NCAPH: variants seen among roughly 807,000 people sequenced by gnomAD.
NCAPH encodes the protein non-SMC condensin I complex subunit H.
In NCAPH, 38 loss-of-function variants were observed where a neutral mutation model predicts 85.5. The ratio of observed to expected loss-of-function variants is 0.44; its 90% CI spans 0.34 to 0.58. The LOEUF (loss-of-function observed/expected upper bound fraction) is 0.58, where lower values mean the gene tolerates loss of function less well. NCAPH is among the 20% of genes least tolerant of loss of function. The pLI, the probability that NCAPH is intolerant of heterozygous loss-of-function variation, is 0.01. For missense variants in NCAPH, 789 were observed against 916.6 expected, an observed-to-expected ratio of 0.86 and a Z score of 1.80; for synonymous variants, 301 against 335.1, an observed-to-expected ratio of 0.90 and a Z score of 1.11.
chr2:96,373,176 A>G, intron 17 of NCAPH, 116 bp from the exon 18 acceptor site: 1 of 809,160 alleles, frequency 1.2e-6, no homozygotes, highest in Non-Finnish European at 2.0e-6. Context: ...AGTTTTTCTT[A>G]TAATCATGGG....
At chr2:96,339,226 T>C (rs1386690065) in intron 1 of NCAPH, among the ~76,000 whole-genome samples, 1 of 152,218 alleles carries the variant, frequency 6.6e-6, no homozygotes, top group Non-Finnish European at 1.5e-5. Context: ...TTGTTTGTTT[T>C]GTTTTTTTGT....
chr2:96,364,656 A>C, intron 13 of NCAPH, 65 bp downstream of exon 13: 2 of 1,172,024 alleles, frequency 1.7e-6, no homozygotes, highest in Non-Finnish European at 2.5e-6. Context: ...TCTGCTTCTC[A>C]TGTCCCCATT....
rs956921570 is a variant in NCAPH, at chr2:96,373,599, G to T, written c.*248G>T. On this transcript the variant is annotated 3_prime_UTR_variant, in exon 18 of 18. Transcript: ENST00000240423. ...CCATCTAGGAGAGGGGAGGGCAGAG[G>T]GGGTGAGGGTACTATTCTGGATTGA... The T allele has an allele frequency of 7.5e-6, 3 of 401,846 alleles. No individual in the cohort carries two copies. Among genetic ancestry groups the T allele is most frequent in the Non-Finnish European group, 1.3e-5 (3 of 223,104 alleles). 24.9% of individuals were successfully genotyped at this position (401,846 alleles called of 1,614,324 possible). A position where few individuals can be genotyped will look rare whatever the true frequency, so the allele number is the denominator to read the frequency against.
At chr2:96,366,397 A>T (rs930683569) in intron 14 of NCAPH, among the ~76,000 whole-genome samples, 8 of 152,194 alleles carry the variant, frequency 5.3e-5, no homozygotes, top group African/African-American at 1.7e-4. Context: ...TCTTGGCCAA[A>T]TTCAGTTTGT....
At position 96,364,484 on chromosome 2, in the gene NCAPH, C is replaced by T. The variant is rs749376512; in HGVS notation, c.1591C>T (p.Leu531Phe). ...CTGCATTTATTCTTTCCTTTAGTTA[C>T]TTAAGATGGCCCAGGGCCATAGGGT... ...QLHLKPGTRL[L>F]KMAQGHRVET... Residue 531 changes from leucine (L) to phenylalanine (F), a missense_variant, in exon 13 of 18, where the codon CTT (leucine) becomes TTT (phenylalanine). Leu to Phe is a conservative substitution (Grantham distance 22). Transcript: ENST00000240423. 4 of 1,592,732 alleles carry T rather than the reference C, an allele frequency of 2.5e-6. No homozygotes were observed. Among genetic ancestry groups the T allele is most frequent in the Admixed American group, 3.4e-5 (2 of 59,058 alleles).
At position 96,351,993 on chromosome 2, in the gene NCAPH, G is replaced by C. The variant is rs1349408068; in HGVS notation, c.883G>C (p.Gly295Arg). 4.3e-6 allele frequency: 7 copies of C among 1,612,456 alleles called. No individual in the cohort carries two copies. The African/African-American group carries it at 9.4e-5, about 22-fold the overall frequency. ...TGEPLELPEL[G>R]CVEMTDLKAP... The stretch of plus-strand genomic sequence containing the variant: ...AGAACCTCTCGAGTTGCCAGAGTTA[G>C]GTTGTGTAGAAATGACAGATTTAAA... The change falls in exon 7 of 18, where the codon GGT becomes CGT. Residue 295 changes from glycine (G) to arginine (R), a missense_variant. Gly to Arg is a moderately radical substitution (Grantham distance 125, BLOSUM62 -2). Coordinates refer to ENST00000240423, the MANE Select transcript of NCAPH (RefSeq NM_015341.5).
At chr2:96,359,805 A>G (rs2064579351) in intron 10 of NCAPH, among the ~76,000 whole-genome samples, 1 of 152,126 alleles carries the variant, frequency 6.6e-6, no homozygotes, top group Non-Finnish European at 1.5e-5. Context: ...TAAATTTTCC[A>G]TAGTGATGGG....
In NCAPH at chr2:96,343,003, A is replaced by C. The variant is rs1465477546; in HGVS notation, c.456+155A>C. On this transcript the variant is annotated intron_variant, in intron 4 of 17. Transcript: ENST00000240423. The stretch of plus-strand genomic sequence containing the variant: ...CTTTCTTTTCCTAAACTGATGAAAT[A>C]CAGAGAGAATATATATTCTGTTTAT... Among the ~76,000 whole-genome samples the C allele has an allele frequency of 3.3e-5, 5 of 152,280 alleles. No individual in the cohort carries two copies. The South Asian group carries it at 8.3e-4, about 25-fold the overall frequency.
intron 9 of NCAPH, among the ~76,000 whole-genome samples, chr2:96,358,743 C>A (rs2064560224): frequency 6.6e-6 from 1 of 152,174 alleles, no homozygotes; most frequent in Non-Finnish European, 1.5e-5. Flanking sequence ...GCTGGGATTA[C>A]AAGCGTGAGC....
chr2:96,372,830 CAAG>C (rs1037878106), intron 17 of NCAPH, among the ~76,000 whole-genome samples: 2 of 152,100 alleles, frequency 1.3e-5, no homozygotes, highest in African/African-American at 2.4e-5. Flanking sequence ...TAGGAAAAAA[CAAG>C]GTATATTTGT....
intron 9 of NCAPH, among the ~76,000 whole-genome samples, chr2:96,357,912 C>G (rs1258123065): frequency 6.6e-6 from 1 of 152,172 alleles, no homozygotes; most frequent in South Asian, 2.1e-4. Flanking sequence ...GAGGGCAGTA[C>G]AGCAGCACCA....
intron 17 of NCAPH, among the ~76,000 whole-genome samples, chr2:96,370,130 A>G (rs1171625579): frequency 6.6e-6 from 1 of 152,234 alleles, no homozygotes; most frequent in East Asian, 1.9e-4. Flanking sequence ...GAGGGCAGCC[A>G]GCAGCAAGCC....
At position 96,359,027 on chromosome 2, in the gene NCAPH, C is replaced by T. The variant is rs1232097987; in HGVS notation, c.1209-18C>T. On this transcript the variant is annotated intron_variant, in intron 9 of 17. Coordinates refer to ENST00000240423, the MANE Select transcript of NCAPH (RefSeq NM_015341.5). ...TTATAATATATGTATTGTACATGTA[C>T]AAATATGTGTGTTACAGGGAAGAAA... is the stretch of plus-strand genomic sequence containing the variant. The T allele has an allele frequency of 1.2e-6, 2 of 1,612,640 alleles. No individual in the cohort carries two copies. Among genetic ancestry groups the T allele is most frequent in the East Asian group, 4.5e-5 (2 of 44,874 alleles).
At position 96,367,451 on chromosome 2, in the gene NCAPH, C is replaced by T. The variant is rs535775878; in HGVS notation, c.1998+78C>T. On this transcript the variant is annotated intron_variant, in intron 15 of 17. Coordinates refer to ENST00000240423, the MANE Select transcript of NCAPH (RefSeq NM_015341.5). The stretch of plus-strand genomic sequence containing the variant: ...TTGATGTCTACAGCTGAAGACACCT[C>T]GATTTGGGCAATGCCTCCAATACAG... 2.4e-5 allele frequency: 25 copies of T among 1,027,444 alleles called. No homozygotes were observed. In the South Asian group the frequency reaches 3.2e-4, roughly 13 times the overall value. The allele number at this position is 1,027,444 out of a possible 1,614,324, so 63.6% of individuals were successfully genotyped here.
rs769563241 is a variant in NCAPH, at chr2:96,341,822, G to A, written c.200G>A (p.Arg67Gln). ...QNDDEKERLQ[R>Q]RRSRVFDLQF... ...GACGATGAGAAGGAGCGGCTGCAGC[G>A]GAGGCGCTCGAGGGTCTTTGATCTG... The change falls in exon 2 of 18, where the codon CGG (arginine) becomes CAG (glutamine). Residue 67 changes from arginine (R) to glutamine (Q), a missense_variant. Physicochemically the swap from Arg to Gln is conservative, Grantham distance 43 (BLOSUM62 1). Coordinates refer to ENST00000240423, the MANE Select transcript of NCAPH (RefSeq NM_015341.5). 7.4e-6 allele frequency: 12 copies of A among 1,613,662 alleles called. No homozygotes were observed. The highest frequency in any genetic ancestry group is 6.7e-5 in the East Asian group (3 of 44,884).
In NCAPH at chr2:96,365,982, A is replaced by AT; in HGVS notation, c.1806dup (p.Gly603TrpfsTer2). The AT allele has an allele frequency of 6.2e-7, 1 of 1,614,208 alleles. No homozygotes were observed. The highest frequency in any genetic ancestry group is 8.5e-7 in the Non-Finnish European group (1 of 1,180,034). ...CATCCACCTAAGACAGCACAACAGA[A>AT]TGGTGACACTCCAGAAGCCCAAGGA... On this transcript the variant is annotated frameshift_variant, in exon 14 of 18. Coordinates refer to ENST00000240423, the MANE Select transcript of NCAPH (RefSeq NM_015341.5). LOFTEE classifies it high-confidence loss of function.
At position 96,369,430 on chromosome 2, in the gene NCAPH, C is replaced by T; in HGVS notation, c.2096C>T (p.Pro699Leu). ...GLTKDLQRSL[P>L]PVMAQNLSIP... Reference sequence around the variant, plus strand: ...ACTTGCCCCTTTCTTTCCAGCCTGCCCCCTGTCATGGCTCAGAACCTCTCC... The same window carrying T: ...ACTTGCCCCTTTCTTTCCAGCCTGCTCCCTGTCATGGCTCAGAACCTCTCC... Residue 699 changes from proline (P) to leucine (L), a missense_variant, in exon 17 of 18, where the codon CCC (proline) becomes CTC (leucine). Physicochemically the swap from Pro to Leu is moderately conservative, Grantham distance 98. Coordinates refer to ENST00000240423, the MANE Select transcript of NCAPH (RefSeq NM_015341.5). 1 of 1,614,034 alleles carries T rather than the reference C, an allele frequency of 6.2e-7. No individual in the cohort carries two copies. The highest frequency in any genetic ancestry group is 1.1e-5 in the South Asian group (1 of 91,076).
rs1186423796 is a variant in NCAPH, at chr2:96,373,339, G to A, written c.2214G>A (p.Arg738=). Residue 738 remains arginine, a synonymous_variant, in exon 18 of 18, where the codon AGG becomes AGA. Coordinates refer to ENST00000240423, the MANE Select transcript of NCAPH (RefSeq NM_015341.5). ...AGGACCTCTCTGATGTTCTTGTGAG[G>A]CAAGGAGATTGAGTTCACTATGGAG... The part of the protein sequence containing the change: ...GTEDLSDVLV[R]QGD The A allele has an allele frequency of 1.2e-6, 2 of 1,613,828 alleles. No individual in the cohort carries two copies. The highest frequency in any genetic ancestry group is 2.2e-5 in the South Asian group (2 of 91,048).
chr2:96,351,126 A>G (rs1302280647), intron 6 of NCAPH, among the ~76,000 whole-genome samples: 1 of 152,222 alleles, frequency 6.6e-6, no homozygotes, highest in Non-Finnish European at 1.5e-5. Context: ...ACTTTAGAAG[A>G]TATTTCTGTT....
Sources: allele counts gnomAD v4.1 joint callset (sites outside exome capture counted in the v4.1 genomes callset), GRCh38; gene constraint gnomAD v4.1.1; transcripts MANE v1.5; gene names NCBI Gene and HGNC (gene_info 2026-07-23, HGNC 2026-07-21).